Variants in GPC5 observed in about 807,000 individuals in gnomAD.
GPC5 encodes the protein glypican-5.
A neutral mutation model predicts 53.9 loss-of-function variants in GPC5; 47 were observed. That is an observed-to-expected ratio of 0.87 (90% CI 0.69 to 1.11). GPC5 has a LOEUF of 1.11. GPC5 is among the 50% of genes most tolerant of loss of function. The pLI, the probability that GPC5 is intolerant of heterozygous loss-of-function variation, is 0.00. For synonymous variants in GPC5, 286 were observed against 263.3 expected, an observed-to-expected ratio of 1.09 and a Z score of -0.84; for missense variants, 748 against 713.1, an observed-to-expected ratio of 1.05 and a Z score of -0.56.
intron 4 of GPC5, among the ~76,000 whole-genome samples, chr13:91,744,620 G>A (rs190484363): frequency 1.3e-5 from 2 of 152,232 alleles, no homozygotes; most frequent in African/African-American, 4.8e-5. Context: ...GATAAAAGAA[G>A]GAAGAATAAA....
chr13:92,470,807 G>T (rs909537553), intron 7 of GPC5, among the ~76,000 whole-genome samples: 3 of 152,184 alleles, frequency 2.0e-5, no homozygotes, highest in African/African-American at 7.2e-5. Flanking sequence ...AGGGCTCTTA[G>T]ATATTAAAAG....
At chr13:91,536,749 G>A (rs1486634532) in intron 2 of GPC5, among the ~76,000 whole-genome samples, 1 of 152,158 alleles carries the variant, frequency 6.6e-6, no homozygotes, top group Non-Finnish European at 1.5e-5. Context: ...ATTTTAACTA[G>A]ATTGCCTTTG....
chr13:92,086,672 C>A (rs1270248632), intron 6 of GPC5, among the ~76,000 whole-genome samples: 1 of 144,394 alleles, frequency 6.9e-6, no homozygotes, highest in Non-Finnish European at 1.5e-5. Context: ...TTCTTTCTTT[C>A]TTTTGAGATG....
intron 7 of GPC5, among the ~76,000 whole-genome samples, chr13:92,648,810 G>A (rs1303733651): frequency 2.6e-5 from 4 of 152,094 alleles, no homozygotes; most frequent in African/African-American, 9.7e-5. Flanking sequence ...TCAAACTGGG[G>A]CATGTCATTT....
At chr13:92,739,672 C>T (rs1237205649) in intron 7 of GPC5, among the ~76,000 whole-genome samples, 1 of 148,848 alleles carries the variant, frequency 6.7e-6, no homozygotes, top group Middle Eastern at 3.2e-3. Context: ...TTCTCTTCTG[C>T]AACATCCCTA....
At chr13:92,266,951 TG>T (rs1453830611) in intron 7 of GPC5, among the ~76,000 whole-genome samples, 22 of 152,256 alleles carry the variant, frequency 1.4e-4, no homozygotes, top group African/African-American at 5.3e-4. Context: ...GTTTGGTTTT[TG>T]AAGGTTCAAT....
At chr13:91,683,589 C>A (rs1482559305) in intron 2 of GPC5, among the ~76,000 whole-genome samples, 2 of 152,132 alleles carry the variant, frequency 1.3e-5, no homozygotes, top group Non-Finnish European at 2.9e-5. Flanking sequence ...TGGTCATGTT[C>A]CCTTAGGAAC....
intron 7 of GPC5, among the ~76,000 whole-genome samples, chr13:92,205,877 G>C (rs973171812): frequency 6.6e-6 from 1 of 151,518 alleles, no homozygotes; most frequent in African/African-American, 2.4e-5. Context: ...CGAAAGCCCC[G>C]CTCTACTAAA....
In GPC5 at chr13:92,560,794, C is replaced by A. The variant is rs1297717012; in HGVS notation, c.1562-305488C>A. ...AAGATGTGTCCGTTTTATAGTGAAC[C>A]TTTAGACAGGAAAAGGCCAGTTCTC... On this transcript the variant is annotated intron_variant, in intron 7 of 7. Transcript: ENST00000377067. Among the ~76,000 whole-genome samples the A allele has an allele frequency of 7.9e-5, 12 of 151,128 alleles. No individual in the cohort carries two copies. In the East Asian group the frequency reaches 2.0e-3, roughly 25 times the overall value.
chr13:91,496,491 A>G (rs188918724), intron 2 of GPC5, among the ~76,000 whole-genome samples: 42 of 152,352 alleles, frequency 2.8e-4, no homozygotes, highest in Non-Finnish European at 5.6e-4. Flanking sequence ...CATGAATGGA[A>G]CTGTTCATTA....
At chr13:92,241,871 C>T (rs1353358265) in intron 7 of GPC5, 1 of 152,092 alleles carries the variant, frequency 6.6e-6, no homozygotes, top group Non-Finnish European at 1.5e-5. Context: ...GCAACTAATA[C>T]TTTGTGAATT....
intron 2 of GPC5, among the ~76,000 whole-genome samples, chr13:91,583,859 C>T (rs1185651704): frequency 1.3e-5 from 2 of 152,076 alleles, no homozygotes; most frequent in Non-Finnish European, 2.9e-5. Context: ...AGGTATGTTG[C>T]AAAAGCTTAA....
In GPC5 at chr13:92,144,856, T is replaced by G; in HGVS notation, c.1428T>G (p.Pro476=). 6.2e-7 allele frequency: 1 copy of G among 1,611,914 alleles called. No individual in the cohort carries two copies. The highest frequency in any genetic ancestry group is 8.5e-7 in the Non-Finnish European group (1 of 1,178,968). ...TGTTACAGGGTAGATCACCCAAACC[T>G]GACAAGTGGGAACTTCTTCAGCTGG... ...VQLLQGRSPK[P]DKWELLQLGS... is the part of the protein sequence containing the mutation. The change falls in exon 7 of 8, where the codon CCT becomes CCG. Residue 476 remains proline, a synonymous_variant. Coordinates refer to ENST00000377067, the MANE Select transcript of GPC5 (RefSeq NM_004466.6).
At chr13:91,458,621 G>A (rs1594115652) in intron 2 of GPC5, among the ~76,000 whole-genome samples, 4 of 152,212 alleles carry the variant, frequency 2.6e-5, no homozygotes, top group South Asian at 2.1e-4. Flanking sequence ...GCATGGATGC[G>A]GTGAAAAGGG....
At chr13:91,610,564 T>G (rs1161831165) in intron 2 of GPC5, among the ~76,000 whole-genome samples, 1 of 152,228 alleles carries the variant, frequency 6.6e-6, no homozygotes, top group Non-Finnish European at 1.5e-5. Flanking sequence ...TGTGTCTCAC[T>G]CTGAGACTGA....
intron 7 of GPC5, among the ~76,000 whole-genome samples, chr13:92,192,937 G>T (rs573021784): frequency 1.3e-5 from 2 of 152,220 alleles, no homozygotes; most frequent in African/African-American, 2.4e-5. Context: ...AGCACTTTGG[G>T]AGGTCAAGGC....
chr13:91,675,768 G>A (rs575037543), intron 2 of GPC5, among the ~76,000 whole-genome samples: 15 of 152,246 alleles, frequency 9.9e-5, no homozygotes, highest in Admixed American at 3.9e-4. Flanking sequence ...CAACAGTATC[G>A]TGTTTCTGGG....
At chr13:91,710,696 G>A (rs1216347891) in intron 3 of GPC5, among the ~76,000 whole-genome samples, 1 of 152,150 alleles carries the variant, frequency 6.6e-6, no homozygotes, top group African/African-American at 2.4e-5. Context: ...AGGGCCTGGG[G>A]CAGGACTGAG....
At chr13:91,503,369 C>T (rs975215100) in intron 2 of GPC5, among the ~76,000 whole-genome samples, 2 of 151,932 alleles carry the variant, frequency 1.3e-5, no homozygotes, top group South Asian at 2.1e-4. Context: ...ACCAAGAATA[C>T]CATTTATTTT....
Sources: gnomAD v4.1 joint callset for allele counts (sites outside exome capture counted in the v4.1 genomes callset) on GRCh38, gnomAD v4.1.1 for gene constraint, MANE v1.5 for transcripts, NCBI Gene and HGNC (gene_info 2026-07-23, HGNC 2026-07-21) for gene names.